Variants in ZNF532 observed in about 807,000 individuals in gnomAD.
ZNF532 encodes zinc finger protein 532.
ZNF532 carries 22 observed loss-of-function variants against 89.3 expected under a neutral mutation model. The observed-to-expected ratio is 0.25, with a 90% CI of 0.18 to 0.35. The LOEUF is 0.35. Among genes scored for constraint, ZNF532 ranks in the 10% least tolerant of loss-of-function variants. The probability of loss-of-function intolerance (pLI) is 1.00; values close to 1 mark genes in which losing one functional copy is unlikely to be tolerated. For synonymous variants in ZNF532, 606 were observed against 649.6 expected, an observed-to-expected ratio of 0.93 and a Z score of 1.02; for missense variants, 1,132 against 1,643.4, an observed-to-expected ratio of 0.69 and a Z score of 5.38.
chr18:58,919,712 G>A lies in ZNF532; in HGVS notation c.1425G>A (p.Thr475=), dbSNP rs1410958946. 19 of 1,613,784 alleles carry A rather than the reference G, an allele frequency of 1.2e-5. No homozygotes were observed. Among genetic ancestry groups the A allele is most frequent in the Middle Eastern group, 1.7e-4 (1 of 5,950 alleles). ...ATTTGAAGCTCGCTAACAACACCAC[G>A]GTGAAAGCCACGGTCATATCTGCTG... ...VINLKLANNT[T]VKATVISAAS... The change falls in exon 3 of 10, where the codon ACG becomes ACA. Residue 475 remains threonine (T), a synonymous_variant. Coordinates refer to ENST00000591808, the MANE Select transcript of ZNF532 (RefSeq NM_001375912.1). The surrounding 1 kb of genome is among the most constrained non-coding windows in gnomAD (Gnocchi z 6.1).
intron 9 of ZNF532, 37 bp from the exon 10 acceptor site, chr18:58,983,935 G>GTT: frequency 1.9e-6 from 3 of 1,576,538 alleles, no homozygotes; most frequent in Non-Finnish European, 2.6e-6. Context: ...GTGAAGGATG[G>GTT]TTTTCAGTCG....
chr18:58,972,442 T>C (rs1056384917), intron 7 of ZNF532, among the ~76,000 whole-genome samples: 1 of 152,218 alleles, frequency 6.6e-6, no homozygotes, highest in Non-Finnish European at 1.5e-5. Flanking sequence ...CATTTGTTAC[T>C]TTGATAAAGA....
At chr18:58,952,921 G>C (rs1936288795) in intron 6 of ZNF532, among the ~76,000 whole-genome samples, 1 of 152,018 alleles carries the variant, frequency 6.6e-6, no homozygotes, top group Non-Finnish European at 1.5e-5. Flanking sequence ...TCTCAAGCCT[G>C]GCTGCCATCA....
At chr18:58,902,513 A>G (rs1364248475) in intron 2 of ZNF532, among the ~76,000 whole-genome samples, 3 of 138,098 alleles carry the variant, frequency 2.2e-5, no homozygotes, top group Non-Finnish European at 3.1e-5. Flanking sequence ...TTTTTTTGAG[A>G]TGGAGTTTTG....
chr18:58,933,402 A>G (rs1019679023), intron 3 of ZNF532, among the ~76,000 whole-genome samples: 2 of 152,192 alleles, frequency 1.3e-5, no homozygotes, highest in Non-Finnish European at 2.9e-5. Flanking sequence ...GAATAAAAAA[A>G]GTCTTTTTAA....
chr18:58,905,572 G>T (rs1040699953), intron 2 of ZNF532, among the ~76,000 whole-genome samples: 1 of 151,950 alleles, frequency 6.6e-6, no homozygotes. Context: ...TCTAAATTTT[G>T]TATTTTTTGT....
intron 2 of ZNF532, among the ~76,000 whole-genome samples, chr18:58,888,713 A>ATAAAATTATATATATATAATT (rs1555708866): frequency 0.044 from 783 of 17,686 alleles, 58 homozygotes; most frequent in Non-Finnish European, 0.051. Context: ...ATATATATAT[A>ATAAAATTATATATATATAATT]TATATATATA....
intron 2 of ZNF532, chr18:58,916,768 T>G: frequency 4.1e-6 from 4 of 983,248 alleles, no homozygotes; most frequent in Non-Finnish European, 4.8e-6. Flanking sequence ...GTTGATAGAT[T>G]TGTGGTGTAT....
intron 2 of ZNF532, among the ~76,000 whole-genome samples, chr18:58,898,694 C>T (rs1418805749): frequency 2.0e-5 from 3 of 152,300 alleles, no homozygotes; most frequent in Middle Eastern, 3.4e-3. Flanking sequence ...GTGATTTTAT[C>T]GTATTCCCTC....
chr18:58,906,306 A>G (rs535493976), intron 2 of ZNF532, among the ~76,000 whole-genome samples: 1 of 152,282 alleles, frequency 6.6e-6, no homozygotes, highest in Non-Finnish European at 1.5e-5. Context: ...GTATGCATTC[A>G]TGGATATTTA....
chr18:58,901,602 A>G (rs1160322654), intron 2 of ZNF532, among the ~76,000 whole-genome samples: 1 of 152,196 alleles, frequency 6.6e-6, no homozygotes, highest in Non-Finnish European at 1.5e-5. Context: ...GTAATTTTGC[A>G]AAGTGGAATC....
chr18:58,985,694 C>T lies in ZNF532; in HGVS notation c.*1228C>T, dbSNP rs1052810. 147 of 147,654 alleles carry T rather than the reference C, an allele frequency of 1.0e-3. 1 individual carries two copies. The highest frequency in any genetic ancestry group is 7.5e-5 in the Non-Finnish European group (5 of 66,734). The allele number at this position is 147,654 out of a possible 1,614,324, so 9.1% of individuals were successfully genotyped here. A position where few individuals can be genotyped will look rare whatever the true frequency, so the allele number is the denominator to read the frequency against. ...CCGTTTATAGTTCTCTGAGAGAGTT[C>T]TATTTTTTGGTTTTGTTTTGTGTTT... is the stretch of plus-strand genomic sequence containing the variant. On this transcript the variant is annotated 3_prime_UTR_variant, in exon 10 of 10. Transcript: ENST00000591808.
chr18:58,957,524 ATTAT>A (rs1555751374), intron 7 of ZNF532, among the ~76,000 whole-genome samples: 1 of 151,426 alleles, frequency 6.6e-6, no homozygotes, highest in Non-Finnish European at 1.5e-5. Context: ...TAGTATGATT[ATTAT>A]TTTGATAAGA....
intron 3 of ZNF532, among the ~76,000 whole-genome samples, chr18:58,927,230 C>CA (rs1393107790): frequency 6.6e-6 from 1 of 152,192 alleles, no homozygotes; most frequent in Admixed American, 6.5e-5. Context: ...GCTTCTCTGA[C>CA]ACCCACCATC....
intron 7 of ZNF532, among the ~76,000 whole-genome samples, chr18:58,963,797 G>A (rs2065620516): frequency 6.8e-6 from 1 of 147,852 alleles, no homozygotes; most frequent in African/African-American, 2.5e-5. Flanking sequence ...ACTCCAGTGT[G>A]GGCAACAGAG....
chr18:58,866,881 G>A (rs1156920390), intron 2 of ZNF532, among the ~76,000 whole-genome samples: 1 of 152,182 alleles, frequency 6.6e-6, no homozygotes, highest in Middle Eastern at 3.2e-3. Flanking sequence ...AATCTTGGAC[G>A]GATATACCAG....
intron 2 of ZNF532, among the ~76,000 whole-genome samples, chr18:58,903,694 C>T (rs991083033): frequency 4.6e-5 from 7 of 151,610 alleles, no homozygotes; most frequent in African/African-American, 9.7e-5. Flanking sequence ...TAAGAGATGA[C>T]GAAGTTAGTT....
intron 5 of ZNF532, among the ~76,000 whole-genome samples, chr18:58,941,031 T>C (rs2146664682): frequency 6.6e-6 from 1 of 151,348 alleles, no homozygotes; most frequent in African/African-American, 2.4e-5. Flanking sequence ...GGAAATGTGA[T>C]TGAATACTAC....
At chr18:58,902,122 T>C (rs770540793) in intron 2 of ZNF532, among the ~76,000 whole-genome samples, 1 of 152,162 alleles carries the variant, frequency 6.6e-6, no homozygotes, top group Non-Finnish European at 1.5e-5. Context: ...ACATTGTGGC[T>C]GCGCATCCCA....
Sources: allele counts gnomAD v4.1 joint callset (sites outside exome capture counted in the v4.1 genomes callset), GRCh38; gene constraint gnomAD v4.1.1; non-coding constraint Gnocchi (gnomAD v3.1); transcripts MANE v1.5; gene names NCBI Gene and HGNC (gene_info 2026-07-23, HGNC 2026-07-21).